DRAM2: variants seen among roughly 807,000 people sequenced by gnomAD.
DRAM2 encodes DNA damage-regulated autophagy modulator protein 2.
In DRAM2, 26 loss-of-function variants were observed where a neutral mutation model predicts 33.5. That is an observed-to-expected ratio of 0.78 (90% CI 0.57 to 1.08). The LOEUF (loss-of-function observed/expected upper bound fraction) is 1.08, where lower values mean the gene tolerates loss of function less well. Ranked by LOEUF, DRAM2 falls within the 50% of genes least tolerant of loss-of-function variation. The pLI is 0.00. For synonymous variants in DRAM2, 98 were observed against 109.5 expected, an observed-to-expected ratio of 0.89 and a Z score of 0.66; for missense variants, 311 against 318.1, an observed-to-expected ratio of 0.98 and a Z score of 0.17.
intron 8 of DRAM2, 147 bp from the exon 9 acceptor site, chr1:111,119,044 A>C (rs1174661356): frequency 3.7e-5 from 18 of 488,760 alleles, no homozygotes; most frequent in Non-Finnish European, 5.7e-5. Flanking sequence ...TAATATCTCT[A>C]GAATTAAAGA....
At chr1:111,135,142 T>C (rs1483907941) in intron 3 of DRAM2, among the ~76,000 whole-genome samples, 3 of 152,074 alleles carry the variant, frequency 2.0e-5, no homozygotes, top group African/African-American at 7.3e-5. Flanking sequence ...TGGCTGAATG[T>C]GGGGCAAGGT....
chr1:111,138,516 T>C (rs1399027275), intron 2 of DRAM2, among the ~76,000 whole-genome samples: 1 of 152,228 alleles, frequency 6.6e-6, no homozygotes, highest in Non-Finnish European at 1.5e-5. Flanking sequence ...CCGGGGGCGG[T>C]GGCTCTCGCC....
intron 7 of DRAM2, 94 bp downstream of exon 7, chr1:111,120,410 AAAAAAAAAAGAC>A: frequency 2.4e-6 from 1 of 408,706 alleles, no homozygotes; most frequent in Non-Finnish European, 3.7e-6. Context: ...AAAAAAAAAA[AAAAAAAAAAGAC>A]AAAAAGGCTT....
chr1:111,120,102 T>C, intron 7 of DRAM2, 143 bp from the exon 8 acceptor site: 1 of 705,456 alleles, frequency 1.4e-6, no homozygotes, highest in Non-Finnish European at 2.3e-6. Context: ...ACAGCAGTGG[T>C]ACTGTAAAAC....
intron 5 of DRAM2, 67 bp downstream of exon 5, chr1:111,126,160 G>T: frequency 1.0e-6 from 1 of 964,078 alleles, no homozygotes; most frequent in Non-Finnish European, 1.7e-6. Context: ...TAACACTCCA[G>T]TGTTGAAAGA....
Position 111,127,749 on chromosome 1 carries a change from T to A in DRAM2, c.132-1455A>T, listed in dbSNP as rs79482708. On this transcript the variant is annotated intron_variant, in intron 4 of 9. Coordinates refer to ENST00000484310, the MANE Select transcript of DRAM2 (RefSeq NM_001349884.2). ...TTCCAAGATGGTTGGCTAAGAGTGT[T>A]CCTTCCTTTGGCTCAGGAGAGAATG... is the stretch of plus-strand genomic sequence containing the variant. Among the ~76,000 whole-genome samples the A allele has an allele frequency of 6.3e-4, 96 of 152,242 alleles. 1 individual carries two copies. In the East Asian group the frequency reaches 0.016, roughly 25 times the overall value.
At chr1:111,131,357 TGAC>T in intron 4 of DRAM2, 64 bp downstream of exon 4, 1 of 1,444,376 alleles carries the variant, frequency 6.9e-7, no homozygotes, top group South Asian at 1.4e-5. Context: ...CATTAAATGT[TGAC>T]TTCAATGTTA....
At chr1:111,138,680 A>G (rs1653816602) in intron 2 of DRAM2, among the ~76,000 whole-genome samples, 1 of 152,150 alleles carries the variant, frequency 6.6e-6, no homozygotes, top group Non-Finnish European at 1.5e-5. Flanking sequence ...GCTACTCAGG[A>G]GACTGAGGCA....
chr1:111,119,429 T>C (rs1649538048), intron 8 of DRAM2, among the ~76,000 whole-genome samples: 1 of 152,058 alleles, frequency 6.6e-6, no homozygotes, highest in Non-Finnish European at 1.5e-5. Context: ...TATGTTCCTC[T>C]TCCTCTATTC....
At chr1:111,128,586 G>T (rs1403353529) in intron 4 of DRAM2, among the ~76,000 whole-genome samples, 1 of 152,094 alleles carries the variant, frequency 6.6e-6, no homozygotes, top group Non-Finnish European at 1.5e-5. Context: ...AACATAAAAT[G>T]GTGTAGTATT....
At chr1:111,133,319 A>G (rs1287527561) in intron 3 of DRAM2, among the ~76,000 whole-genome samples, 1 of 151,940 alleles carries the variant, frequency 6.6e-6, no homozygotes, top group Non-Finnish European at 1.5e-5. Flanking sequence ...CTGGGATTAC[A>G]GGCATCTGCC....
chr1:111,118,049 T>C lies in DRAM2; in HGVS notation c.*111A>G. The C allele has an allele frequency of 1.1e-6, 1 of 906,462 alleles. No homozygotes were observed. 56.2% of individuals were successfully genotyped at this position (906,462 alleles called of 1,614,324 possible). ...GATTATCAGCATTCATCAGTGTTAC[T>C]GTCAGCCTTGATTAAGTGGTTGAAA... On this transcript the variant is annotated 3_prime_UTR_variant, in exon 10 of 10. Transcript: ENST00000484310.
At chr1:111,119,834 C>A in intron 8 of DRAM2, 43 bp downstream of exon 8, 1 of 1,447,966 alleles carries the variant, frequency 6.9e-7, no homozygotes, top group South Asian at 1.2e-5. Context: ...TCAAAATAAC[C>A]ATCTTTAATA....
chr1:111,132,556 T>A (rs1032422151), intron 3 of DRAM2, among the ~76,000 whole-genome samples: 4 of 152,158 alleles, frequency 2.6e-5, no homozygotes, highest in Admixed American at 1.3e-4. Flanking sequence ...CAGAATTGAA[T>A]TAGGGGATAT....
At chr1:111,138,851 T>C (rs1221940753) in intron 2 of DRAM2, among the ~76,000 whole-genome samples, 3 of 152,238 alleles carry the variant, frequency 2.0e-5, no homozygotes, top group Non-Finnish European at 4.4e-5. Context: ...TGAAGTTCTA[T>C]GAATCAAAAC....
intron 2 of DRAM2, among the ~76,000 whole-genome samples, chr1:111,137,916 A>G (rs1314795412): frequency 1.3e-5 from 2 of 152,254 alleles, no homozygotes; most frequent in Non-Finnish European, 2.9e-5. Context: ...ATAGATTATT[A>G]AGCAAAATAA....
At position 111,117,677 on chromosome 1, in the gene DRAM2, G is replaced by A. The variant is rs1649194155; in HGVS notation, c.*483C>T. On this transcript the variant is annotated 3_prime_UTR_variant, in exon 10 of 10. Transcript: ENST00000484310. Reference sequence around the variant, plus strand: ...AGATTCCAGAACAACAACAAAAAATGTAAGACTACAAGAAATGATTTAATA... The same window carrying A: ...AGATTCCAGAACAACAACAAAAAATATAAGACTACAAGAAATGATTTAATA... 6.4e-6 allele frequency: 1 copy of A among 155,472 alleles called. No homozygotes were observed. The highest frequency in any genetic ancestry group is 1.4e-5 in the Non-Finnish European group (1 of 70,346). 9.6% of individuals were successfully genotyped at this position (155,472 alleles called of 1,614,324 possible). A position where few individuals can be genotyped will look rare whatever the true frequency, so the allele number is the denominator to read the frequency against.
At chr1:111,129,684 T>G (rs1022302832) in intron 4 of DRAM2, among the ~76,000 whole-genome samples, 1 of 152,132 alleles carries the variant, frequency 6.6e-6, no homozygotes, top group Non-Finnish European at 1.5e-5. Context: ...AACATCAGTA[T>G]GTAAAGTTGT....
intron 6 of DRAM2, chr1:111,122,758 G>C (rs1389337539): frequency 6.6e-6 from 1 of 151,918 alleles, no homozygotes; most frequent in Non-Finnish European, 1.5e-5. Context: ...TATAAACAGG[G>C]CCCAGCAATA....
Sources: allele counts gnomAD v4.1 joint callset (sites outside exome capture counted in the v4.1 genomes callset), GRCh38; gene constraint gnomAD v4.1.1; transcripts MANE v1.5; gene names NCBI Gene and HGNC (gene_info 2026-07-23, HGNC 2026-07-21).